AKAP6: variants seen among roughly 807,000 people sequenced by gnomAD.
AKAP6 encodes A-kinase anchoring protein 6.
In AKAP6, 58 loss-of-function variants were observed where a neutral mutation model predicts 188.5. That is an observed-to-expected ratio of 0.31 (90% CI 0.25 to 0.38). AKAP6 has a LOEUF of 0.38. AKAP6 is among the 10% of genes least tolerant of loss of function. The pLI is 1.00. For missense variants in AKAP6, 2,710 were observed against 2,740.0 expected (o/e 0.99, Z 0.24); for synonymous variants, 989 against 998.6 (o/e 0.99, Z 0.18).
rs751162371 is a variant in AKAP6 at position 32,433,811 on chromosome 14, A to G, written c.318A>G (p.Gln106=). ...AGCATGTGGATGTACATCTAGTTCA[A>G]CTAAAGGTAAGGCAAGGTCTGTGAT... ...DSKHVDVHLV[Q]LKDICEDISD... The change falls in exon 2 of 14, where the codon CAA becomes CAG. Residue 106 remains glutamine, a synonymous_variant. Transcript: ENST00000280979. 5 of 1,612,402 alleles carry G rather than the reference A, an allele frequency of 3.1e-6. No individual in the cohort carries two copies. Among genetic ancestry groups the G allele is most frequent in the Non-Finnish European group, 4.2e-6 (5 of 1,179,474 alleles).
At chr14:32,364,296 A>T (rs562563713) in intron 1 of AKAP6, among the ~76,000 whole-genome samples, 7 of 152,336 alleles carry the variant, frequency 4.6e-5, no homozygotes, top group East Asian at 1.9e-4. Flanking sequence ...CTAGCTATTG[A>T]TACAGAGAAG....
chr14:32,783,332 G>A (rs548763204), intron 12 of AKAP6, among the ~76,000 whole-genome samples: 1 of 151,990 alleles, frequency 6.6e-6, no homozygotes, highest in African/African-American at 2.4e-5. Context: ...GTGATCACTG[G>A]AGCAATAATA....
At chr14:32,334,342 C>A (rs1051296508) in intron 1 of AKAP6, among the ~76,000 whole-genome samples, 1 of 152,196 alleles carries the variant, frequency 6.6e-6, no homozygotes, top group African/African-American at 2.4e-5. Flanking sequence ...GGATGTGTAT[C>A]ATTCCTTTGT....
At chr14:32,351,034 C>A (rs143843625) in intron 1 of AKAP6, among the ~76,000 whole-genome samples, 1 of 151,940 alleles carries the variant, frequency 6.6e-6, no homozygotes, top group African/African-American at 2.4e-5. Context: ...CTACTAAACC[C>A]GGAATCTCGA....
intron 3 of AKAP6, among the ~76,000 whole-genome samples, chr14:32,542,968 A>G (rs553614737): frequency 2.9e-4 from 44 of 152,340 alleles, no homozygotes; most frequent in Non-Finnish European, 5.1e-4. Context: ...TAATATTTTG[A>G]TACATGCACA....
At chr14:32,441,434 A>G (rs1890572647) in intron 2 of AKAP6, among the ~76,000 whole-genome samples, 1 of 152,250 alleles carries the variant, frequency 6.6e-6, no homozygotes, top group Non-Finnish European at 1.5e-5. Flanking sequence ...AGTCTATCTC[A>G]ATTAATTGTT....
chr14:32,779,038 T>C (rs1220727314), intron 12 of AKAP6, among the ~76,000 whole-genome samples: 2 of 151,866 alleles, frequency 1.3e-5, no homozygotes, highest in African/African-American at 4.8e-5. Flanking sequence ...AAAGCCCCAA[T>C]TAAAAAGGAA....
At chr14:32,497,671 C>T (rs969744888) in intron 2 of AKAP6, among the ~76,000 whole-genome samples, 6 of 152,014 alleles carry the variant, frequency 3.9e-5, no homozygotes, top group African/African-American at 1.2e-4. Context: ...CATCTTCTCT[C>T]TATGCCCTTA....
At chr14:32,572,494 C>T (rs886142708) in intron 4 of AKAP6, among the ~76,000 whole-genome samples, 7 of 152,208 alleles carry the variant, frequency 4.6e-5, no homozygotes, top group Non-Finnish European at 7.3e-5. Context: ...TTTATTCTAG[C>T]TCCATATGAC....
intron 2 of AKAP6, among the ~76,000 whole-genome samples, chr14:32,469,262 G>A (rs897531707): frequency 1.3e-5 from 2 of 152,130 alleles, no homozygotes; most frequent in Non-Finnish European, 2.9e-5. Flanking sequence ...AGTCTCCAAC[G>A]GAGGAGATTT....
intron 12 of AKAP6, 177 bp downstream of exon 12, chr14:32,774,070 G>A (rs2032981729): frequency 1.6e-6 from 1 of 631,100 alleles, no homozygotes; most frequent in Non-Finnish European, 2.8e-6. Context: ...CTACGAACTA[G>A]CTGTCCACTA....
intron 11 of AKAP6, among the ~76,000 whole-genome samples, chr14:32,744,308 T>TTTTTA (rs2031799617): frequency 6.8e-6 from 1 of 146,644 alleles, no homozygotes; most frequent in Admixed American, 6.8e-5. Flanking sequence ...TTTTTTTAAT[T>TTTTTA]ATTTTATTTT....
chr14:32,495,308 T>C (rs956630752), intron 2 of AKAP6: 4 of 152,086 alleles, frequency 2.6e-5, no homozygotes, highest in African/African-American at 9.7e-5. Context: ...GGTGGTGGAG[T>C]AGCTGACAGA....
At chr14:32,819,183 C>A (rs1260093609) in intron 12 of AKAP6, among the ~76,000 whole-genome samples, 7 of 152,150 alleles carry the variant, frequency 4.6e-5, no homozygotes, top group Non-Finnish European at 1.0e-4. Context: ...AAAGATTTCT[C>A]TTAGAAAACT....
chr14:32,650,541 G>T (rs1888173819), intron 7 of AKAP6, among the ~76,000 whole-genome samples: 1 of 152,102 alleles, frequency 6.6e-6, no homozygotes, highest in Admixed American at 6.5e-5. Flanking sequence ...AACTTGGGAG[G>T]TGGAGATTGC....
intron 9 of AKAP6, chr14:32,726,112 T>C (rs1021523732): frequency 1.1e-6 from 1 of 898,780 alleles, no homozygotes; most frequent in Non-Finnish European, 1.3e-6. Context: ...GGTTTTCTAG[T>C]TCCCACACTA....
At chr14:32,813,055 G>A (rs1236389540) in intron 12 of AKAP6, among the ~76,000 whole-genome samples, 1 of 152,130 alleles carries the variant, frequency 6.6e-6, no homozygotes, top group Non-Finnish European at 1.5e-5. Flanking sequence ...CCACAAGACT[G>A]CCTTCACTTC....
chr14:32,347,233 A>G (rs538336358), intron 1 of AKAP6, among the ~76,000 whole-genome samples: 1 of 152,368 alleles, frequency 6.6e-6, no homozygotes, highest in African/African-American at 2.4e-5. Flanking sequence ...TCAAGGGTAC[A>G]AAGTTGAGGC....
chr14:32,574,778 C>T (rs1884647838), intron 4 of AKAP6, among the ~76,000 whole-genome samples: 1 of 152,182 alleles, frequency 6.6e-6, no homozygotes, highest in Non-Finnish European at 1.5e-5. Context: ...GTACTATTTT[C>T]ATCTCCCATT....
Sources: gnomAD v4.1 joint callset for allele counts (sites outside exome capture counted in the v4.1 genomes callset) on GRCh38, gnomAD v4.1.1 for gene constraint, MANE v1.5 for transcripts, NCBI Gene and HGNC (gene_info 2026-07-23, HGNC 2026-07-21) for gene names.